Variants in SHROOM3 observed in about 807,000 individuals in gnomAD.
SHROOM3 encodes the protein shroom family member 3, also known as protein Shroom3.
In SHROOM3, 47 loss-of-function variants were observed where a neutral mutation model predicts 138.6. That is an observed-to-expected ratio of 0.34 (90% CI 0.27 to 0.43). The LOEUF is 0.43. SHROOM3 is among the 20% of genes least tolerant of loss of function. The pLI, the probability that SHROOM3 is intolerant of heterozygous loss-of-function variation, is 1.00. For synonymous variants in SHROOM3, 1,062 were observed against 1,063.3 expected, an observed-to-expected ratio of 1.00 and a Z score of 0.02; for missense variants, 2,491 against 2,596.5, an observed-to-expected ratio of 0.96 and a Z score of 0.88.
In SHROOM3 at chr4:76,626,387, T is replaced by G. The variant is rs567654515; in HGVS notation, c.323+70624T>G. 5.9e-5 allele frequency among the ~76,000 whole-genome samples: 9 copies of G among 152,328 alleles called. No individual in the cohort carries two copies. The South Asian group carries it at 1.4e-3, about 25-fold the overall frequency. On this transcript the variant is annotated intron_variant, in intron 2 of 10. Transcript: ENST00000296043. ...TTCACAAATGCTGCTTGCTGCTACA[T>G]TTCCACCAAAAAGGCAGCTTAAAAC... is the stretch of plus-strand genomic sequence containing the variant.
rs144001652 is a variant in SHROOM3 at position 76,739,707 on chromosome 4, G to A, written c.1534G>A (p.Ala512Thr). 9.2e-5 allele frequency: 148 copies of A among 1,614,172 alleles called. No individual in the cohort carries two copies. In the African/African-American group the frequency reaches 1.7e-3, roughly 19 times the overall value. Reference sequence around the variant, plus strand: ...CCCTCAGGGAGCATGCAACAAGATGGCTACCATTGATGAGAATGGGAACCA... The same window carrying A: ...CCCTCAGGGAGCATGCAACAAGATGACTACCATTGATGAGAATGGGAACCA... The part of the protein sequence containing the change: ...IAPQGACNKM[A>T]TIDENGNQNG... The change falls in exon 5 of 11, where the codon GCT (alanine) becomes ACT (threonine). Residue 512 changes from alanine (A) to threonine (T), a missense_variant. By Grantham distance (58) the Ala-to-Thr change is moderately conservative. Around this residue, in one of 4 missense-constraint regions of SHROOM3, gnomAD observed 1,733 missense variants for 1,661.6 expected, o/e 1.04. Transcript: ENST00000296043.
chr4:76,647,724 A>G (rs1168252649), intron 2 of SHROOM3, among the ~76,000 whole-genome samples: 1 of 151,994 alleles, frequency 6.6e-6, no homozygotes, highest in Non-Finnish European at 1.5e-5. Flanking sequence ...GTGAAACCCC[A>G]TCTCTACAGA....
chr4:76,484,583 A>G (rs960228939), intron 1 of SHROOM3, among the ~76,000 whole-genome samples: 1 of 138,830 alleles, frequency 7.2e-6, no homozygotes, highest in Non-Finnish European at 1.6e-5. Flanking sequence ...AAACAAACAA[A>G]CAAACAAACA....
intron 1 of SHROOM3, among the ~76,000 whole-genome samples, chr4:76,509,952 T>A (rs1190186153): frequency 2.0e-5 from 3 of 152,174 alleles, no homozygotes; most frequent in Non-Finnish European, 4.4e-5. Flanking sequence ...AAATTTAAAT[T>A]ATTTTTGGCA....
At chr4:76,601,181 G>A (rs1370996004) in intron 2 of SHROOM3, among the ~76,000 whole-genome samples, 2 of 152,152 alleles carry the variant, frequency 1.3e-5, no homozygotes, top group Non-Finnish European at 2.9e-5. Flanking sequence ...TACATCAGTG[G>A]TTCTCAGCTA....
At chr4:76,479,152 G>A (rs1731550052) in intron 1 of SHROOM3, among the ~76,000 whole-genome samples, 1 of 152,008 alleles carries the variant, frequency 6.6e-6, no homozygotes, top group Non-Finnish European at 1.5e-5. Flanking sequence ...GACAGAAGTA[G>A]GGTACAGAAG....
intron 2 of SHROOM3, among the ~76,000 whole-genome samples, chr4:76,659,879 G>A (rs1403836859): frequency 3.9e-5 from 6 of 152,176 alleles, no homozygotes; most frequent in Non-Finnish European, 7.4e-5. Flanking sequence ...ACCGCACCCA[G>A]CCTGAGAAAA....
At chr4:76,749,670 T>C (rs892680160) in intron 6 of SHROOM3, among the ~76,000 whole-genome samples, 3 of 152,112 alleles carry the variant, frequency 2.0e-5, no homozygotes, top group African/African-American at 4.8e-5. Flanking sequence ...AAAATAAAGC[T>C]CAAAATCATA....
chr4:76,602,005 T>C (rs1455015235), intron 2 of SHROOM3, among the ~76,000 whole-genome samples: 2 of 152,182 alleles, frequency 1.3e-5, no homozygotes, highest in Non-Finnish European at 2.9e-5. Context: ...CACAGCTGTT[T>C]TGTGGTGATA....
At chr4:76,719,719 A>G (rs1014117697) in intron 3 of SHROOM3, among the ~76,000 whole-genome samples, 2 of 152,116 alleles carry the variant, frequency 1.3e-5, no homozygotes, top group African/African-American at 4.8e-5. Flanking sequence ...CCCTGTTGCT[A>G]GTCCCTCTCT....
chr4:76,657,826 C>A (rs1736097778), intron 2 of SHROOM3, among the ~76,000 whole-genome samples: 1 of 152,226 alleles, frequency 6.6e-6, no homozygotes, highest in Non-Finnish European at 1.5e-5. Context: ...ACCTGGTCCC[C>A]TGCAGACTGG....
intron 2 of SHROOM3, chr4:76,629,000 C>T (rs2110071405): frequency 6.6e-6 from 1 of 152,310 alleles, no homozygotes; most frequent in Non-Finnish European, 1.5e-5. Context: ...GCCACCATTA[C>T]CCAGCTAAGT....
intron 2 of SHROOM3, chr4:76,688,412 T>A (rs952587127): frequency 1.0e-6 from 1 of 985,396 alleles, no homozygotes; most frequent in Non-Finnish European, 1.2e-6. Flanking sequence ...AGGTTTCTAT[T>A]TCCTACCTAG....
At chr4:76,616,269 T>C (rs1243694400) in intron 2 of SHROOM3, among the ~76,000 whole-genome samples, 1 of 152,214 alleles carries the variant, frequency 6.6e-6, no homozygotes, top group African/African-American at 2.4e-5. Flanking sequence ...CCAACCCTCA[T>C]GCATTTCCTG....
At chr4:76,774,720 G>GTTTTTTTTTTTT (rs71212453) in intron 10 of SHROOM3, among the ~76,000 whole-genome samples, 2 of 112,262 alleles carry the variant, frequency 1.8e-5, no homozygotes. Context: ...TTTTTTTTTT[G>GTTTTTTTTTTTT]TTTTTTTTTT....
At chr4:76,681,551 C>T (rs185870757) in intron 2 of SHROOM3, among the ~76,000 whole-genome samples, 232 of 143,926 alleles carry the variant, frequency 1.6e-3, no homozygotes, top group African/African-American at 5.7e-3. Context: ...CCTCTAGCTC[C>T]TGGGGTTGCA....
At chr4:76,635,238 T>C (rs1160753230) in intron 2 of SHROOM3, among the ~76,000 whole-genome samples, 1 of 152,192 alleles carries the variant, frequency 6.6e-6, no homozygotes, top group African/African-American at 2.4e-5. Context: ...TCCTCATCCA[T>C]ACGGCCATTA....
intron 10 of SHROOM3, among the ~76,000 whole-genome samples, chr4:76,777,269 T>C (rs1049571163): frequency 6.6e-6 from 1 of 152,256 alleles, no homozygotes; most frequent in Non-Finnish European, 1.5e-5. Context: ...ATCTATGATT[T>C]CTTTCAGCAG....
At chr4:76,662,880 TGAGGGAGAGGGAGAGAGAGAGGTA>T (rs1394258463) in intron 2 of SHROOM3, among the ~76,000 whole-genome samples, 1 of 149,302 alleles carries the variant, frequency 6.7e-6, no homozygotes, top group Non-Finnish European at 1.5e-5. Flanking sequence ...AGACCCTATC[TGAGGGAGAGGGAGAGAGAGAGGTA>T]GAGGGAGAGG....
Sources: allele counts gnomAD v4.1 joint callset (sites outside exome capture counted in the v4.1 genomes callset), GRCh38; gene constraint gnomAD v4.1.1; regional missense constraint gnomAD v4.1.1; transcripts MANE v1.5; gene names NCBI Gene and HGNC (gene_info 2026-07-23, HGNC 2026-07-21).